Variants in ATRNL1 observed in about 807,000 individuals in gnomAD.
The protein encoded by ATRNL1 is attractin like 1, also known as attractin-like protein 1.
ATRNL1 carries 95 observed loss-of-function variants against 182.7 expected under a neutral mutation model. That is an observed-to-expected ratio of 0.52 (90% CI 0.44 to 0.62). The LOEUF is 0.62. ATRNL1 is among the 20% of genes least tolerant of loss of function. The pLI is 0.00. For missense variants in ATRNL1, 1,471 were observed against 1,679.5 expected, an observed-to-expected ratio of 0.88 and a Z score of 2.17; for synonymous variants, 576 against 568.3, an observed-to-expected ratio of 1.01 and a Z score of -0.19.
Position 115,647,652 on chromosome 10 carries a change from A to AT in ATRNL1, c.3796-79590dup, listed in dbSNP as rs1162709793. 2.8e-4 allele frequency among the ~76,000 whole-genome samples: 42 copies of AT among 151,598 alleles called. 1 individual carries two copies. The South Asian group carries it at 7.9e-3, about 29-fold the overall frequency. Reference sequence around the variant, plus strand: ...GCCCACTTTTTGATGGGGTTGTTTGATTTTTTCTTGTAAATTTGTTTAAGT... The same window carrying AT: ...GCCCACTTTTTGATGGGGTTGTTTGATTTTTTTCTTGTAAATTTGTTTAAGT... On this transcript the variant is annotated intron_variant, in intron 26 of 28. Coordinates refer to ENST00000355044, the MANE Select transcript of ATRNL1 (RefSeq NM_207303.4).
chr10:115,489,017 C>T (rs564057810), intron 24 of ATRNL1, among the ~76,000 whole-genome samples: 1 of 152,220 alleles, frequency 6.6e-6, no homozygotes, highest in South Asian at 2.1e-4. Context: ...TTTTCAGTTT[C>T]CATGTAGTTG....
chr10:115,602,112 G>T (rs1555016096), intron 26 of ATRNL1, among the ~76,000 whole-genome samples: 1 of 152,036 alleles, frequency 6.6e-6, no homozygotes, highest in African/African-American at 2.4e-5. Context: ...CTAGCACTTT[G>T]GGAGCCTGAG....
intron 5 of ATRNL1, 28 bp from the exon 6 acceptor site, chr10:115,160,012 G>A (rs374756691): frequency 1.8e-5 from 28 of 1,525,522 alleles, no homozygotes; most frequent in South Asian, 1.7e-4. Flanking sequence ...GTTTAATCTA[G>A]TGTGTTGTTT....
At chr10:115,121,308 T>C (rs1350317201) in intron 2 of ATRNL1, among the ~76,000 whole-genome samples, 1 of 152,098 alleles carries the variant, frequency 6.6e-6, no homozygotes, top group East Asian at 1.9e-4. Flanking sequence ...AAATGGGTTT[T>C]ACCATGTTGG....
chr10:115,557,390 G>T (rs934780068), intron 26 of ATRNL1, among the ~76,000 whole-genome samples: 11 of 152,080 alleles, frequency 7.2e-5, no homozygotes, highest in African/African-American at 2.7e-4. Context: ...TCAAATTTAA[G>T]AAGTCAGAGA....
chr10:115,426,025 T>A (rs934582554), intron 20 of ATRNL1, among the ~76,000 whole-genome samples: 1 of 152,078 alleles, frequency 6.6e-6, no homozygotes, highest in South Asian at 2.1e-4. Flanking sequence ...GTTTATTTTC[T>A]TTTTCTTCAC....
intron 7 of ATRNL1, 85 bp downstream of exon 7, chr10:115,165,730 T>C (rs1847009997): frequency 3.2e-6 from 2 of 626,440 alleles, no homozygotes; most frequent in Non-Finnish European, 5.2e-6. Flanking sequence ...CTCAGATTTA[T>C]TTCAAATATT....
chr10:115,705,778 G>A (rs79025133), intron 26 of ATRNL1, among the ~76,000 whole-genome samples: 7,823 of 151,946 alleles, frequency 0.051, 646 homozygotes, highest in African/African-American at 0.18. Context: ...TGAATTACCA[G>A]GTCAGACCAC....
At chr10:115,425,479 T>C (rs1042986351) in intron 20 of ATRNL1, among the ~76,000 whole-genome samples, 3 of 151,984 alleles carry the variant, frequency 2.0e-5, no homozygotes, top group African/African-American at 4.8e-5. Context: ...ATATCTCTAT[T>C]AGACATTGTC....
intron 27 of ATRNL1, among the ~76,000 whole-genome samples, chr10:115,791,852 T>C (rs1342715437): frequency 2.6e-5 from 4 of 152,172 alleles, no homozygotes; most frequent in African/African-American, 9.6e-5. Context: ...ACCAAGGTAA[T>C]CAAATTTTAA....
intron 26 of ATRNL1, among the ~76,000 whole-genome samples, chr10:115,675,636 T>TA (rs1161544434): frequency 1.1e-4 from 17 of 152,040 alleles, no homozygotes; most frequent in African/African-American, 4.1e-4. Flanking sequence ...TTATTTTTAT[T>TA]ACAGCAAATA....
intron 26 of ATRNL1, among the ~76,000 whole-genome samples, chr10:115,681,463 A>T (rs1946044032): frequency 6.6e-6 from 1 of 152,110 alleles, no homozygotes; most frequent in South Asian, 2.1e-4. Flanking sequence ...TCAGCAGCTG[A>T]CCCAGTGTCA....
chr10:115,564,522 T>C (rs1001540444), intron 26 of ATRNL1, among the ~76,000 whole-genome samples: 4 of 151,954 alleles, frequency 2.6e-5, no homozygotes, highest in African/African-American at 7.2e-5. Context: ...AATTTTATTC[T>C]ATTAATGGAA....
intron 26 of ATRNL1, among the ~76,000 whole-genome samples, chr10:115,717,261 C>G (rs1415391947): frequency 1.3e-5 from 2 of 152,026 alleles, no homozygotes; most frequent in East Asian, 3.9e-4. Flanking sequence ...CCATTTTGTT[C>G]CAGGCTAATT....
intron 15 of ATRNL1, among the ~76,000 whole-genome samples, chr10:115,295,658 G>C (rs1351863023): frequency 1.3e-5 from 2 of 152,088 alleles, no homozygotes; most frequent in South Asian, 2.1e-4. Flanking sequence ...CTCCTGCTTG[G>C]GGGAGGGCAT....
chr10:115,137,041 C>G (rs1554876842), intron 5 of ATRNL1, among the ~76,000 whole-genome samples: 2 of 152,112 alleles, frequency 1.3e-5, no homozygotes, highest in Non-Finnish European at 2.9e-5. Flanking sequence ...CACAATAGAA[C>G]AGTAATTTTC....
chr10:115,797,388 CACTGGGAT>C (rs1949678978), intron 27 of ATRNL1, among the ~76,000 whole-genome samples: 1 of 152,092 alleles, frequency 6.6e-6, no homozygotes, highest in Admixed American at 6.5e-5. Context: ...TACACTCAGG[CACTGGGAT>C]ACTCACCAAG....
At chr10:115,879,011 A>C (rs1293001750) in intron 28 of ATRNL1, among the ~76,000 whole-genome samples, 1 of 152,212 alleles carries the variant, frequency 6.6e-6, no homozygotes, top group East Asian at 1.9e-4. Context: ...ATTCTATGCC[A>C]GGTAGTGTTA....
At chr10:115,735,530 G>A (rs917393130) in intron 27 of ATRNL1, among the ~76,000 whole-genome samples, 1 of 151,878 alleles carries the variant, frequency 6.6e-6, no homozygotes, top group East Asian at 1.9e-4. Context: ...TGTAAATTAG[G>A]CACAATAAGA....
Sources: gnomAD v4.1 joint callset for allele counts (sites outside exome capture counted in the v4.1 genomes callset) on GRCh38, gnomAD v4.1.1 for gene constraint, MANE v1.5 for transcripts, NCBI Gene and HGNC (gene_info 2026-07-23, HGNC 2026-07-21) for gene names.